The following CCNYL1 variants were observed in gnomAD, a reference collection of about 807,000 sequenced individuals.
CCNYL1 encodes cyclin Y like 1.
A neutral mutation model predicts 44.2 loss-of-function variants in CCNYL1; 16 were observed. The observed-to-expected ratio is 0.36, with a 90% CI of 0.25 to 0.55. The LOEUF (loss-of-function observed/expected upper bound fraction) is 0.55. Ranked by LOEUF, CCNYL1 falls within the 20% of genes least tolerant of loss-of-function variation. CCNYL1 has a pLI of 0.85. For missense variants in CCNYL1, 348 were observed against 451.8 expected (o/e 0.77, Z 2.08); for synonymous variants, 159 against 163.2 (o/e 0.97, Z 0.20).
At chr2:207,731,895 C>T (rs193134941) in intron 3 of CCNYL1, among the ~76,000 whole-genome samples, 4 of 151,466 alleles carry the variant, frequency 2.6e-5, no homozygotes, top group South Asian at 2.1e-4. Flanking sequence ...CTACAACCTC[C>T]GCCTCCCAGG....
intron 5 of CCNYL1, among the ~76,000 whole-genome samples, chr2:207,738,829 C>G (rs973672809): frequency 1.3e-5 from 2 of 152,100 alleles, no homozygotes; most frequent in African/African-American, 4.8e-5. Context: ...AAGCGATTCT[C>G]CTGTCTCAAC....
intron 3 of CCNYL1, among the ~76,000 whole-genome samples, chr2:207,733,283 A>G (rs2091743232): frequency 6.6e-6 from 1 of 152,252 alleles, no homozygotes; most frequent in East Asian, 1.9e-4. Context: ...TCTCATTTGA[A>G]TAATGTAATG....
chr2:207,744,885 G>C (rs754987665), intron 7 of CCNYL1, among the ~76,000 whole-genome samples: 50 of 152,272 alleles, frequency 3.3e-4, no homozygotes, highest in Non-Finnish European at 5.7e-4. Context: ...TACCAATGAA[G>C]GTGGACATAG....
intron 7 of CCNYL1, among the ~76,000 whole-genome samples, chr2:207,744,597 C>T (rs1201609605): frequency 2.0e-5 from 3 of 151,668 alleles, no homozygotes; most frequent in South Asian, 2.1e-4. Flanking sequence ...CTTGAACTCC[C>T]GACCTCAGGT....
intron 7 of CCNYL1, among the ~76,000 whole-genome samples, chr2:207,745,164 A>G (rs1254971342): frequency 6.6e-6 from 1 of 152,150 alleles, no homozygotes; most frequent in Non-Finnish European, 1.5e-5. Context: ...CTTTGAGCAA[A>G]TGAGAGGACA....
At chr2:207,721,050 G>A (rs1158680144) in intron 1 of CCNYL1, among the ~76,000 whole-genome samples, 3 of 152,234 alleles carry the variant, frequency 2.0e-5, no homozygotes, top group East Asian at 1.9e-4. Context: ...TGGGTGGAAC[G>A]TGTGAACTTA....
At chr2:207,734,793 A>T (rs368591635) in intron 4 of CCNYL1, among the ~76,000 whole-genome samples, 2 of 152,050 alleles carry the variant, frequency 1.3e-5, no homozygotes, top group African/African-American at 4.8e-5. Context: ...AGTTAATTCA[A>T]TTGTCAGTAA....
At chr2:207,715,737 C>T (rs2091589284) in intron 1 of CCNYL1, among the ~76,000 whole-genome samples, 2 of 144,566 alleles carry the variant, frequency 1.4e-5, no homozygotes, top group South Asian at 4.3e-4. Flanking sequence ...AGTGGAATGG[C>T]GCGATCTCGG....
intron 1 of CCNYL1, among the ~76,000 whole-genome samples, chr2:207,716,583 C>T (rs1383268590): frequency 1.3e-5 from 2 of 152,088 alleles, no homozygotes; most frequent in African/African-American, 4.8e-5. Flanking sequence ...CCTGCTCTAT[C>T]GCATGCCTTC....
chr2:207,711,966 G>C lies in CCNYL1; in HGVS notation c.70G>C (p.Ala24Pro). Residue 24 changes from alanine (A) to proline (P), a missense_variant, in exon 1 of 10, where the codon GCG becomes CCG. This residue lies in a region of CCNYL1 where 209 missense variants were observed against 247.7 expected (regional missense o/e 0.84). Coordinates refer to ENST00000295414, the MANE Select transcript of CCNYL1 (RefSeq NM_001330218.2). ...CAAGCTGGGCCGGCGCGCGGGGTCG[G>C]CGGAGCTGTACTGCGCGTCCGACAT... ...SPKLGRRAGSAELYCASDIYE... is the reference protein window; with the variant it reads ...SPKLGRRAGSPELYCASDIYE... 1 of 1,404,818 alleles carries C rather than the reference G, an allele frequency of 7.1e-7. No individual in the cohort carries two copies. Among genetic ancestry groups the C allele is most frequent in the Non-Finnish European group, 9.3e-7 (1 of 1,076,802 alleles). 87.0% of individuals were successfully genotyped at this position (1,404,818 alleles called of 1,614,324 possible).
chr2:207,754,550 T>G lies in CCNYL1; in HGVS notation c.*852T>G, dbSNP rs1219651207. On this transcript the variant is annotated 3_prime_UTR_variant, in exon 10 of 10. Coordinates refer to ENST00000295414, the MANE Select transcript of CCNYL1 (RefSeq NM_001330218.2). ...TTAAGCTTGAATATAGTTTGGGCCC[T>G]CCAAGGCACTGCAGCATGAGTATAA... 2 of 152,536 alleles carry G rather than the reference T, an allele frequency of 1.3e-5. No homozygotes were observed. The highest frequency in any genetic ancestry group is 2.9e-5 in the Non-Finnish European group (2 of 68,004). The allele number at this position is 152,536 out of a possible 1,614,324, so 9.4% of individuals were successfully genotyped here. A position where few individuals can be genotyped will look rare whatever the true frequency, so the allele number is the denominator to read the frequency against.
rs1411331360 is a variant in CCNYL1, at chr2:207,752,105, C to CT, written c.969+988dup. Among the ~76,000 whole-genome samples the CT allele has an allele frequency of 3.4e-5, 5 of 146,822 alleles. No homozygotes were observed. In the East Asian group the frequency reaches 6.6e-4, roughly 19 times the overall value. ...CTACATACATAATTCACTTGCCACTCTTGACTGTCTTACTTACTGTTTGCA... is the reference window on the plus strand; with the variant it reads ...CTACATACATAATTCACTTGCCACTCTTTGACTGTCTTACTTACTGTTTGCA... On this transcript the variant is annotated intron_variant, in intron 9 of 9. Coordinates refer to ENST00000295414, the MANE Select transcript of CCNYL1 (RefSeq NM_001330218.2).
chr2:207,744,529 A>G (rs74645689), intron 7 of CCNYL1, among the ~76,000 whole-genome samples: 30 of 141,614 alleles, frequency 2.1e-4, no homozygotes, highest in Admixed American at 2.0e-3. Flanking sequence ...CACCACGCCT[A>G]ATTTTTTTTT....
rs770646092 is a variant in CCNYL1 at position 207,715,379 on chromosome 2, C to CTTTTTTTT, written c.220+3278_220+3285dup. ...CTCGGCTTTGTTCTTCAAGCTATTT[C>CTTTTTTTT]TTTTTTTTTTTTTTTTTTTTTTGAC... On this transcript the variant is annotated intron_variant, in intron 1 of 9. Transcript: ENST00000295414. Among the ~76,000 whole-genome samples the CTTTTTTTT allele has an allele frequency of 4.1e-3, 412 of 100,626 alleles. 2 individuals carry two copies. The highest frequency in any genetic ancestry group is 5.2e-3 in the Non-Finnish European group (283 of 54,656). 66.0% of individuals were successfully genotyped at this position (100,626 alleles called of 152,430 possible). A position where few individuals can be genotyped will look rare whatever the true frequency, so the allele number is the denominator to read the frequency against.
chr2:207,721,916 T>A lies in CCNYL1; in HGVS notation c.221-2884T>A, dbSNP rs75152093. On this transcript the variant is annotated intron_variant, in intron 1 of 9. Coordinates refer to ENST00000295414, the MANE Select transcript of CCNYL1 (RefSeq NM_001330218.2). ...GTACAGCCCTGCCTTTCTCCTTTGG[T>A]TCTTGGGAAGTCCCAAGAGAAATGT... Among the ~76,000 whole-genome samples, 214 of 152,174 alleles carry A rather than the reference T, an allele frequency of 1.4e-3. 2 individuals are homozygous for A. The East Asian group carries it at 0.033, about 24-fold the overall frequency.
intron 1 of CCNYL1, among the ~76,000 whole-genome samples, chr2:207,717,317 A>G (rs1227145965): frequency 2.6e-5 from 4 of 152,192 alleles, no homozygotes; most frequent in Non-Finnish European, 5.9e-5. Flanking sequence ...GTTAGAAGAA[A>G]TATTAAAAGA....
intron 7 of CCNYL1, among the ~76,000 whole-genome samples, chr2:207,744,729 G>A (rs1362733223): frequency 6.6e-6 from 1 of 152,114 alleles, no homozygotes; most frequent in Non-Finnish European, 1.5e-5. Context: ...GCAGGGGAGT[G>A]AAGTGCTCTT....
chr2:207,752,890 T>C (rs920765313), intron 9 of CCNYL1, among the ~76,000 whole-genome samples: 3 of 144,956 alleles, frequency 2.1e-5, no homozygotes, highest in African/African-American at 7.3e-5. Flanking sequence ...ATACAAAAAA[T>C]TAGCTGGGTA....
At chr2:207,734,357 T>G (rs2091749638) in intron 4 of CCNYL1, among the ~76,000 whole-genome samples, 1 of 152,256 alleles carries the variant, frequency 6.6e-6, no homozygotes, top group African/African-American at 2.4e-5. Flanking sequence ...TGCTTTTTAT[T>G]GGATGTTTCT....
Sources: allele counts gnomAD v4.1 joint callset (sites outside exome capture counted in the v4.1 genomes callset), GRCh38; gene constraint gnomAD v4.1.1; regional missense constraint gnomAD v4.1.1; transcripts MANE v1.5; gene names NCBI Gene and HGNC (gene_info 2026-07-23, HGNC 2026-07-21).